Variants in FAM133A observed in about 807,000 individuals in gnomAD.
FAM133A encodes the protein protein FAM133A.
For synonymous variants in FAM133A, 65 were observed against 58.6 expected, an observed-to-expected ratio of 1.11 and a Z score of -0.50; for missense variants, 159 against 164.4, an observed-to-expected ratio of 0.97 and a Z score of 0.18.
intron 2 of FAM133A, among the ~76,000 whole-genome samples, chrX:93,689,717 T>C (rs1180211109): frequency 1.8e-5 from 2 of 111,154 alleles, no homozygotes; most frequent in Admixed American, 9.6e-5. Flanking sequence ...TTTCAAGGAC[T>C]GTAGTGATAT....
chrX:93,695,401 G>T (rs1283382966), intron 2 of FAM133A, among the ~76,000 whole-genome samples: 1 of 104,873 alleles, frequency 9.5e-6, no homozygotes, highest in African/African-American at 3.5e-5. Flanking sequence ...TTACAGGCGC[G>T]TGCCACCACG....
Position 93,675,541 on chromosome X carries a change from C to T in FAM133A, c.-193+789C>T, listed in dbSNP as rs189179702. The stretch of plus-strand genomic sequence containing the variant: ...TTTTCCTGCTATAATCAAAGTGTCC[C>T]TGGATACCTAAAGCATGTATTTCTA... On this transcript the variant is annotated intron_variant, in intron 2 of 3. Coordinates refer to ENST00000683942, the MANE Select transcript of FAM133A (RefSeq NM_001171109.2). Among the ~76,000 whole-genome samples the T allele has an allele frequency of 2.6e-4, 29 of 111,238 alleles. No individual in the cohort carries two copies. The East Asian group carries it at 8.2e-3, about 31-fold the overall frequency.
chrX:93,697,772 G>C (rs753301353), intron 2 of FAM133A, among the ~76,000 whole-genome samples: 60 of 111,496 alleles, frequency 5.4e-4, no homozygotes, highest in African/African-American at 1.9e-3. Flanking sequence ...CATACTTTGA[G>C]TTCCTGTTTT....
intron 2 of FAM133A, among the ~76,000 whole-genome samples, chrX:93,686,731 C>A (rs1426445396): frequency 8.9e-6 from 1 of 112,463 alleles, no homozygotes; most frequent in East Asian, 2.8e-4. Context: ...TGGTCATAGT[C>A]TCACTTGACT....
At chrX:93,683,955 C>T (rs1300884942) in intron 2 of FAM133A, among the ~76,000 whole-genome samples, 1 of 111,581 alleles carries the variant, frequency 9.0e-6, no homozygotes, top group Non-Finnish European at 1.9e-5. Flanking sequence ...TCTAGGTAGA[C>T]TTTTCACATT....
chrX:93,711,639 C>A lies in FAM133A; in HGVS notation c.*1473C>A, dbSNP rs12012248. 2.5e-5 allele frequency: 3 copies of A among 121,752 alleles called. No individual in the cohort carries two copies. Among genetic ancestry groups the A allele is most frequent in the African/African-American group, 9.9e-5 (3 of 30,226 alleles). 10.0% of individuals were successfully genotyped at this position (121,752 alleles called of 1,213,427 possible). ...TGTTTTTCAATAGCAGATTTTATCTCGGCTACCTTCAATCACAAGTAAAAT... is the reference window on the plus strand; with the variant it reads ...TGTTTTTCAATAGCAGATTTTATCTAGGCTACCTTCAATCACAAGTAAAAT... On this transcript the variant is annotated 3_prime_UTR_variant, in exon 4 of 4. Transcript: ENST00000683942.
At chrX:93,708,165 G>C (rs1171555336) in intron 3 of FAM133A, among the ~76,000 whole-genome samples, 2 of 111,710 alleles carry the variant, frequency 1.8e-5, no homozygotes, top group Non-Finnish European at 3.8e-5. Flanking sequence ...GACTTTCTGA[G>C]GAATTGACAT....
chrX:93,683,705 T>A (rs1284450722), intron 2 of FAM133A, among the ~76,000 whole-genome samples: 1 of 111,651 alleles, frequency 9.0e-6, no homozygotes, highest in East Asian at 2.8e-4. Flanking sequence ...ATAATAGCCA[T>A]CCTAACTGGG....
At chrX:93,684,506 G>A (rs1197788044) in intron 2 of FAM133A, among the ~76,000 whole-genome samples, 1 of 111,651 alleles carries the variant, frequency 9.0e-6, no homozygotes, top group Non-Finnish European at 1.9e-5. Flanking sequence ...TTCTCAATAT[G>A]TAAAAAAGAT....
chrX:93,674,151 AGAG>A (rs932122850), upstream of FAM133A: 6 of 111,112 alleles, frequency 5.4e-5, no homozygotes, highest in African/African-American at 2.0e-4. Context: ...GGTTATTGGC[AGAG>A]GAGGGAGGGA....
chrX:93,703,000 T>C (rs1926823288), intron 3 of FAM133A, among the ~76,000 whole-genome samples: 1 of 110,063 alleles, frequency 9.1e-6, no homozygotes. Context: ...TCAGCCGTGG[T>C]GACATGGCGA....
At chrX:93,686,098 A>T (rs1284050784) in intron 2 of FAM133A, among the ~76,000 whole-genome samples, 1 of 74,062 alleles carries the variant, frequency 1.4e-5, no homozygotes, top group Non-Finnish European at 2.5e-5. Flanking sequence ...ACAGAGTGAG[A>T]CTCCATCTCA....
At chrX:93,707,246 A>G (rs1002588203) in intron 3 of FAM133A, among the ~76,000 whole-genome samples, 1 of 111,868 alleles carries the variant, frequency 8.9e-6, no homozygotes, top group Non-Finnish European at 1.9e-5. Flanking sequence ...AGTAAGAATG[A>G]AAATTACAGA....
intron 3 of FAM133A, among the ~76,000 whole-genome samples, chrX:93,706,254 T>C: frequency 8.9e-6 from 1 of 112,049 alleles, no homozygotes; most frequent in Non-Finnish European, 1.9e-5. Flanking sequence ...ATTCTTATGC[T>C]CACCTTGAAA....
chrX:93,681,191 T>C (rs1413166106), intron 2 of FAM133A, among the ~76,000 whole-genome samples: 1 of 110,600 alleles, frequency 9.0e-6, no homozygotes, highest in East Asian at 2.8e-4. Flanking sequence ...ATCCAAAGAC[T>C]TTGAAAAATG....
Position 93,709,707 on chromosome X carries a change from G to A in FAM133A, c.288G>A (p.Lys96=), listed in dbSNP as rs748143767. The change falls in exon 4 of 4, where the codon AAG becomes AAA. Residue 96 remains lysine, a synonymous_variant. Transcript: ENST00000683942. ...SSSKKRERKK[K]RKKKSCRSSS... ...CTAAAAAAAGAGAAAGAAAGAAAAAGAGAAAGAAGAAATCTTGTCGGTCTT... is the reference window on the plus strand; with the variant it reads ...CTAAAAAAAGAGAAAGAAAGAAAAAAAGAAAGAAGAAATCTTGTCGGTCTT... 2 of 1,197,295 alleles carry A rather than the reference G, an allele frequency of 1.7e-6. No individual in the cohort carries two copies. Among genetic ancestry groups the A allele is most frequent in the South Asian group, 3.7e-5 (2 of 53,764 alleles).
In FAM133A at chrX:93,709,829, G is replaced by T. The variant is rs200416597; in HGVS notation, c.410G>T (p.Arg137Leu). 2 of 1,198,961 alleles carry T rather than the reference G, an allele frequency of 1.7e-6. No homozygotes were observed. The change falls in exon 4 of 4, where the codon CGT becomes CTT. Residue 137 changes from arginine (R) to leucine (L), a missense_variant. Physicochemically the swap from Arg to Leu is moderately radical, Grantham distance 102. Transcript: ENST00000683942. ...AAAAGGAGAAAGAAAAAGAAGAACC[G>T]TTCATACAAATCATCCCAAAGCTCT... ...QGKRRKKKKN[R>L]SYKSSQSSTH...
At chrX:93,695,834 C>T (rs1045536166) in intron 2 of FAM133A, among the ~76,000 whole-genome samples, 2 of 106,221 alleles carry the variant, frequency 1.9e-5, no homozygotes, top group Admixed American at 1.0e-4. Flanking sequence ...TTAGTAGAGA[C>T]GGGGTTTCAC....
At chrX:93,678,669 T>G (rs754080148) in intron 2 of FAM133A, among the ~76,000 whole-genome samples, 1 of 112,335 alleles carries the variant, frequency 8.9e-6, no homozygotes, top group East Asian at 2.8e-4. Context: ...GAAGGTTTAT[T>G]TCTTTTGATA....
Sources: allele counts gnomAD v4.1 joint callset (sites outside exome capture counted in the v4.1 genomes callset), GRCh38; gene constraint gnomAD v4.1.1; transcripts MANE v1.5; gene names NCBI Gene and HGNC (gene_info 2026-07-23, HGNC 2026-07-21).